CALCOCO2: variants seen among roughly 807,000 people sequenced by gnomAD.
CALCOCO2 encodes the protein calcium binding and coiled-coil domain 2, also known as calcium-binding and coiled-coil domain-containing protein 2.
A neutral mutation model predicts 62.5 loss-of-function variants in CALCOCO2; 42 were observed. That is an observed-to-expected ratio of 0.67 (90% CI 0.53 to 0.87). The LOEUF (loss-of-function observed/expected upper bound fraction) is 0.87, where lower values mean the gene tolerates loss of function less well. Ranked by LOEUF, CALCOCO2 falls within the 40% of genes least tolerant of loss-of-function variation. The pLI, the probability that CALCOCO2 is intolerant of heterozygous loss-of-function variation, is 0.00. For synonymous variants in CALCOCO2, 167 were observed against 173.0 expected, an observed-to-expected ratio of 0.97 and a Z score of 0.27; for missense variants, 456 against 515.0, an observed-to-expected ratio of 0.89 and a Z score of 1.11.
chr17:48,862,356 T>G (rs2040341822), intron 12 of CALCOCO2, 52 bp downstream of exon 12: 2 of 1,239,700 alleles, frequency 1.6e-6, no homozygotes, highest in Non-Finnish European at 2.4e-6. Flanking sequence ...AAAATTTCCC[T>G]TCCTGCTCCA....
At chr17:48,860,533 T>A in intron 11 of CALCOCO2, 84 bp downstream of exon 11, 1 of 1,233,370 alleles carries the variant, frequency 8.1e-7, no homozygotes, top group Non-Finnish European at 1.2e-6. Context: ...AGGTGCTAAT[T>A]AAGACCAGTC....
At chr17:48,856,778 C>CTTTTTTTTTTTTTTTTTTT (rs549613504) in intron 10 of CALCOCO2, among the ~76,000 whole-genome samples, 1 of 139,000 alleles carries the variant, frequency 7.2e-6, no homozygotes, top group African/African-American at 2.6e-5. Flanking sequence ...TCTTTCTTTT[C>CTTTTTTTTTTTTTTTTTTT]TTTTTTTTTT....
At position 48,850,952 on chromosome 17, in the gene CALCOCO2, T is replaced by C. The variant is rs1255412896; in HGVS notation, c.544-137T>C. 6.7e-6 allele frequency: 4 copies of C among 594,052 alleles called. No homozygotes were observed. In the Admixed American group the frequency reaches 1.0e-4, roughly 15 times the overall value. 36.8% of individuals were successfully genotyped at this position (594,052 alleles called of 1,614,324 possible). On this transcript the variant is annotated intron_variant, in intron 5 of 12. Transcript: ENST00000258947. The stretch of plus-strand genomic sequence containing the variant: ...AAAAAAAGAACATTTTCCTTTTATT[T>C]GAGTATTTCATTTACTGCTGTGTCA...
rs201333275 is a variant in CALCOCO2, at chr17:48,838,727, A to ATG, written c.-10-2970_-10-2969insGT. 5.8e-3 allele frequency among the ~76,000 whole-genome samples: 883 copies of ATG among 152,146 alleles called. 6 individuals carry two copies. The highest frequency in any genetic ancestry group is 0.02 in the African/African-American group (849 of 41,534). ...AGACTCTGTCTTAAAAAATATATATATATATAACAATTACATGTGTGCCTG... is the reference window on the plus strand; with the variant it reads ...AGACTCTGTCTTAAAAAATATATATATGTATATAACAATTACATGTGTGCCTG... On this transcript the variant is annotated intron_variant, in intron 1 of 12. Transcript: ENST00000258947.
intron 1 of CALCOCO2, 21 bp from the exon 2 acceptor site, chr17:48,841,677 C>G (rs766294612): frequency 5.2e-6 from 8 of 1,538,074 alleles, no homozygotes; most frequent in South Asian, 1.2e-5. Context: ...GAGCCTTACT[C>G]TGTTCCACAT....
At chr17:48,855,610 T>G (rs1804076373) in intron 9 of CALCOCO2, among the ~76,000 whole-genome samples, 1 of 152,174 alleles carries the variant, frequency 6.6e-6, no homozygotes, top group Non-Finnish European at 1.5e-5. Flanking sequence ...AATGCCTTCC[T>G]GTGTTCCCTC....
At chr17:48,858,020 A>ACT in intron 10 of CALCOCO2, among the ~76,000 whole-genome samples, 1 of 15,716 alleles carries the variant, frequency 6.4e-5, no homozygotes, top group South Asian at 6.4e-3. Context: ...AATAGAATAG[A>ACT]ATAGAATAGA....
Position 48,846,131 on chromosome 17 carries a change from A to G in CALCOCO2, c.181-1933A>G, listed in dbSNP as rs972609653. The G allele has an allele frequency of 2.1e-5, 21 of 984,688 alleles. No individual in the cohort carries two copies. The African/African-American group carries it at 3.5e-4, about 16-fold the overall frequency. 61.0% of individuals were successfully genotyped at this position (984,688 alleles called of 1,614,324 possible). A position where few individuals can be genotyped will look rare whatever the true frequency, so the allele number is the denominator to read the frequency against. On this transcript the variant is annotated intron_variant, in intron 2 of 12. Coordinates refer to ENST00000258947, the MANE Select transcript of CALCOCO2 (RefSeq NM_005831.5). Reference sequence around the variant, plus strand: ...CAGTAACTCTTTTTATTTTTTATTTATTTTTTAAAATTTATTTTATTTTGA... The same window carrying G: ...CAGTAACTCTTTTTATTTTTTATTTGTTTTTTAAAATTTATTTTATTTTGA...
intron 1 of CALCOCO2, among the ~76,000 whole-genome samples, chr17:48,834,719 T>G (rs2039867317): frequency 1.3e-5 from 2 of 151,798 alleles, no homozygotes; most frequent in South Asian, 2.1e-4. Flanking sequence ...GTGGGAAAGG[T>G]GGTTAAAGGA....
At chr17:48,840,591 C>A (rs7207087) in intron 1 of CALCOCO2, among the ~76,000 whole-genome samples, 2 of 151,974 alleles carry the variant, frequency 1.3e-5, no homozygotes, top group Admixed American at 1.3e-4. Context: ...ATGCTGTTTC[C>A]TTCACCTAGA....
chr17:48,859,880 T>C (rs2040303235), intron 10 of CALCOCO2, among the ~76,000 whole-genome samples: 1 of 152,062 alleles, frequency 6.6e-6, no homozygotes, highest in Non-Finnish European at 1.5e-5. Flanking sequence ...GGATCACTTG[T>C]GGTCAGGAGT....
intron 1 of CALCOCO2, among the ~76,000 whole-genome samples, chr17:48,838,433 G>T (rs1302620549): frequency 2.6e-5 from 4 of 151,996 alleles, no homozygotes; most frequent in Middle Eastern, 3.4e-3. Flanking sequence ...ACAACATGAG[G>T]GGTGGTCTCC....
intron 1 of CALCOCO2, among the ~76,000 whole-genome samples, chr17:48,837,568 C>T (rs2039911223): frequency 6.6e-6 from 1 of 152,102 alleles, no homozygotes; most frequent in Non-Finnish European, 1.5e-5. Flanking sequence ...ATTGCTTGAA[C>T]CCCAGAGGCG....
intron 4 of CALCOCO2, 126 bp from the exon 5 acceptor site, chr17:48,849,126 C>A: frequency 1.2e-6 from 1 of 816,986 alleles, no homozygotes; most frequent in Non-Finnish European, 2.0e-6. Flanking sequence ...TAAGGAGCAG[C>A]CCCCATCTGG....
Position 48,841,824 on chromosome 17 carries a change from A to C in CALCOCO2, c.117A>C (p.Thr39=), listed in dbSNP as rs552522249. 2 of 1,613,774 alleles carry C rather than the reference A, an allele frequency of 1.2e-6. No individual in the cohort carries two copies. Among genetic ancestry groups the C allele is most frequent in the African/African-American group, 2.7e-5 (2 of 75,016 alleles). ...EKFYIPGGDV[T]CHYTFTQHFI... is the part of the protein sequence containing the mutation. Reference sequence around the variant, plus strand: ...TCTACATCCCTGGAGGGGACGTCACATGTCATTATACCTTCACCCAGCATT... The same window carrying C: ...TCTACATCCCTGGAGGGGACGTCACCTGTCATTATACCTTCACCCAGCATT... The change falls in exon 2 of 13, where the codon ACA becomes ACC. Residue 39 remains threonine, a synonymous_variant. Coordinates refer to ENST00000258947, the MANE Select transcript of CALCOCO2 (RefSeq NM_005831.5).
At position 48,856,195 on chromosome 17, in the gene CALCOCO2, T is replaced by C; in HGVS notation, c.1008+8T>C. On this transcript the variant is annotated splice_region_variant and intron_variant, in intron 10 of 12. Transcript: ENST00000258947. ...TTGGAAGGAGAAAATGATGTAAGTG[T>C]GTGAAAGAGGGTATAAAACCCCAAG... 6.7e-7 allele frequency: 1 copy of C among 1,495,794 alleles called. No individual in the cohort carries two copies. The highest frequency in any genetic ancestry group is 9.3e-7 in the Non-Finnish European group (1 of 1,075,494). 92.7% of individuals were successfully genotyped at this position (1,495,794 alleles called of 1,614,324 possible).
intron 1 of CALCOCO2, 132 bp from the exon 2 acceptor site, chr17:48,841,566 T>G: frequency 1.9e-6 from 1 of 537,034 alleles, no homozygotes; most frequent in Non-Finnish European, 3.2e-6. Flanking sequence ...AGTTGTGTAA[T>G]CTCAGTATTT....
chr17:48,856,503 C>T, intron 10 of CALCOCO2: 1 of 465,110 alleles, frequency 2.2e-6, no homozygotes, highest in South Asian at 1.6e-5. Flanking sequence ...GGAATAACGT[C>T]CTACATAACT....
chr17:48,858,044 GAAAAT>G (rs1480556073), intron 10 of CALCOCO2, among the ~76,000 whole-genome samples: 5 of 31,336 alleles, frequency 1.6e-4, no homozygotes, highest in Admixed American at 4.6e-4. Flanking sequence ...GAATAGAATA[GAAAAT>G]AGAATAGAAT....
Sources: gnomAD v4.1 joint callset for allele counts (sites outside exome capture counted in the v4.1 genomes callset) on GRCh38, gnomAD v4.1.1 for gene constraint, MANE v1.5 for transcripts, NCBI Gene and HGNC (gene_info 2026-07-23, HGNC 2026-07-21) for gene names.